PTP4A3: variants seen among roughly 807,000 people sequenced by gnomAD.
PTP4A3 encodes protein tyrosine phosphatase 4A3.
A neutral mutation model predicts 15.2 loss-of-function variants in PTP4A3; 9 were observed. The observed-to-expected ratio is 0.59, with a 90% confidence interval of 0.36 to 1.03. The LOEUF (loss-of-function observed/expected upper bound fraction) is 1.03, where lower values mean the gene tolerates loss of function less well. PTP4A3 is among the 50% of genes least tolerant of loss of function. The pLI is 0.02. For missense variants in PTP4A3, 234 were observed against 252.1 expected (o/e 0.93, Z 0.49); for synonymous variants, 95 against 102.0 (o/e 0.93, Z 0.41).
At chr8:141,415,835 G>A (rs1389659156) in intron 1 of PTP4A3, among the ~76,000 whole-genome samples, 3 of 149,216 alleles carry the variant, frequency 2.0e-5, no homozygotes, top group African/African-American at 7.4e-5. Flanking sequence ...TGGGCCCTTG[G>A]AGCTGCCGAG....
chr8:141,429,181 G>A (rs1301512545), intron 5 of PTP4A3, among the ~76,000 whole-genome samples: 1 of 152,250 alleles, frequency 6.6e-6, no homozygotes, highest in Non-Finnish European at 1.5e-5. Flanking sequence ...TGAGGGCTGC[G>A]CCTTCCCCAG....
intron 1 of PTP4A3, among the ~76,000 whole-genome samples, chr8:141,400,981 T>C (rs950776534): frequency 1.3e-5 from 2 of 152,026 alleles, no homozygotes; most frequent in African/African-American, 4.8e-5. Flanking sequence ...GAGGGAGTCA[T>C]GCACGAGGCA....
At position 141,428,044 on chromosome 8, in the gene PTP4A3, G is replaced by C. The variant is rs1248612590; in HGVS notation, c.404+220G>C. Among the ~76,000 whole-genome samples, 3 of 151,988 alleles carry C rather than the reference G, an allele frequency of 2.0e-5. No individual in the cohort carries two copies. In the South Asian group the frequency reaches 6.2e-4, roughly 32 times the overall value. ...CCATGCAGCCACACAGGGACACAGC[G>C]AGGCCACCCGCCACGCCGTCCTGCC... On this transcript the variant is annotated intron_variant, in intron 5 of 5. Coordinates refer to ENST00000521578, the MANE Select transcript of PTP4A3 (RefSeq NM_032611.3).
chr8:141,414,762 C>G (rs999445999), intron 1 of PTP4A3, among the ~76,000 whole-genome samples: 3 of 151,926 alleles, frequency 2.0e-5, no homozygotes, highest in African/African-American at 7.3e-5. Flanking sequence ...AGTGACCGCT[C>G]TCTGCCCCAG....
rs534686105 is a variant in PTP4A3, at chr8:141,414,400, G to A, written c.-853-6988G>A. Among the ~76,000 whole-genome samples, 5 of 152,314 alleles carry A rather than the reference G, an allele frequency of 3.3e-5. No homozygotes were observed. The South Asian group carries it at 1.0e-3, about 32-fold the overall frequency. On this transcript the variant is annotated intron_variant, in intron 1 of 5. Transcript: ENST00000521578. ...TAGACCTGGCTTCTGGGACTGTAGT[G>A]GTGGAAGGTGGCTGGGGCAGGGGAG...
At chr8:141,404,602 G>T (rs1295449614) in intron 1 of PTP4A3, among the ~76,000 whole-genome samples, 1 of 152,254 alleles carries the variant, frequency 6.6e-6, no homozygotes, top group Non-Finnish European at 1.5e-5. Flanking sequence ...GCTGGTGAAT[G>T]GGCCTCCAGG....
chr8:141,416,527 G>A (rs969870215), intron 1 of PTP4A3, among the ~76,000 whole-genome samples: 4 of 152,162 alleles, frequency 2.6e-5, no homozygotes, highest in Admixed American at 6.5e-5. Flanking sequence ...TCAGGGAGAC[G>A]CTGCTGGAAG....
At chr8:141,415,019 C>T (rs1391082883) in intron 1 of PTP4A3, among the ~76,000 whole-genome samples, 3 of 107,224 alleles carry the variant, frequency 2.8e-5, no homozygotes, top group Non-Finnish European at 5.8e-5. Flanking sequence ...GTGTGGGTGG[C>T]GGGGGGCCTG....
chr8:141,404,278 AC>A (rs1832671571), intron 1 of PTP4A3, among the ~76,000 whole-genome samples: 1 of 152,254 alleles, frequency 6.6e-6, no homozygotes, highest in Non-Finnish European at 1.5e-5. Context: ...GCTGTACTTG[AC>A]GGATGGTGCA....
At chr8:141,410,351 C>A (rs527701091) in intron 1 of PTP4A3, among the ~76,000 whole-genome samples, 3 of 152,254 alleles carry the variant, frequency 2.0e-5, no homozygotes, top group Non-Finnish European at 4.4e-5. Flanking sequence ...TCCAGAAATG[C>A]CCTGCTGGCC....
chr8:141,402,075 G>C (rs900042353), intron 1 of PTP4A3, among the ~76,000 whole-genome samples: 7 of 152,218 alleles, frequency 4.6e-5, no homozygotes, highest in African/African-American at 1.7e-4. Flanking sequence ...GCAGCAGCTG[G>C]GGTGTCCAGG....
chr8:141,417,467 CAGCA>C (rs1833100184), intron 1 of PTP4A3, among the ~76,000 whole-genome samples: 1 of 152,084 alleles, frequency 6.6e-6, no homozygotes, highest in South Asian at 2.1e-4. Flanking sequence ...GGGTGCAGGA[CAGCA>C]CCTGCACGGC....
Position 141,428,850 on chromosome 8 carries a change from G to A in PTP4A3, c.404+1026G>A, listed in dbSNP as rs144653163. On this transcript the variant is annotated intron_variant, in intron 5 of 5. Coordinates refer to ENST00000521578, the MANE Select transcript of PTP4A3 (RefSeq NM_032611.3). ...TGAACACAGGCACATACAGACAAGCGGGTATTTGCACACATGGACACACAT... is the reference window on the plus strand; with the variant it reads ...TGAACACAGGCACATACAGACAAGCAGGTATTTGCACACATGGACACACAT... Among the ~76,000 whole-genome samples, 12 of 152,326 alleles carry A rather than the reference G, an allele frequency of 7.9e-5. No homozygotes were observed. The East Asian group carries it at 1.5e-3, about 20-fold the overall frequency.
intron 5 of PTP4A3, among the ~76,000 whole-genome samples, chr8:141,430,053 A>G (rs199872763): frequency 2.8e-4 from 28 of 98,862 alleles, no homozygotes; most frequent in East Asian, 3.2e-4. Context: ...GGTGGCGGGG[A>G]CAGGGTGAGC....
At chr8:141,392,177 C>G (rs964461292) in intron 1 of PTP4A3, 93 bp downstream of exon 1, 20 of 149,008 alleles carry the variant, frequency 1.3e-4, no homozygotes, top group African/African-American at 4.9e-4. Context: ...GCCGCCCGCT[C>G]CGGGCACGGC....
In PTP4A3 at chr8:141,425,050, C is replaced by T. The variant is rs1331132073; in HGVS notation, c.108C>T (p.Asp36=). The T allele has an allele frequency of 1.9e-6, 3 of 1,612,700 alleles. No homozygotes were observed. The highest frequency in any genetic ancestry group is 4.5e-5 in the East Asian group (2 of 44,868). ...CTCCTCCGTCCTCCCACCCCCAGGACCTGAAGAAGTACGGGGCTACCACTG... is the reference window on the plus strand; with the variant it reads ...CTCCTCCGTCCTCCCACCCCCAGGATCTGAAGAAGTACGGGGCTACCACTG... ...TNATLSTFIE[D]LKKYGATTVV... The change falls in exon 3 of 6, where the codon GAC becomes GAT. Residue 36 remains aspartate, a splice_region_variant and synonymous_variant. Transcript: ENST00000521578. This position sits in a 1 kb window ranked among gnomAD's most constrained non-coding sequence, Gnocchi z 4.2.
In PTP4A3 at chr8:141,406,108, A is replaced by G. The variant is rs1832714583; in HGVS notation, c.-854+14024A>G. On this transcript the variant is annotated intron_variant, in intron 1 of 5. Transcript: ENST00000521578. This position sits in a 1 kb window ranked among gnomAD's most constrained non-coding sequence, Gnocchi z 4.5. ...CTATGATCTGACTTAGGTCGAGGAC[A>G]CTGGTGGGGGCAGTGGTGGGGATAC... Among the ~76,000 whole-genome samples the G allele has an allele frequency of 6.6e-6, 1 of 152,026 alleles. No individual in the cohort carries two copies. The highest frequency in any genetic ancestry group is 2.4e-5 in the African/African-American group (1 of 41,392).
chr8:141,392,191 G>C (rs559200760), intron 1 of PTP4A3, 107 bp downstream of exon 1: 3 of 149,482 alleles, frequency 2.0e-5, no homozygotes, highest in Non-Finnish European at 3.0e-5. Context: ...GCACGGCTTC[G>C]GGGCCGCGCA....
chr8:141,426,947 G>A lies in PTP4A3; in HGVS notation c.207G>A (p.Pro69=), dbSNP rs758014095. 19 of 1,611,048 alleles carry A rather than the reference G, an allele frequency of 1.2e-5. No individual in the cohort carries two copies. Among genetic ancestry groups the A allele is most frequent in the East Asian group, 8.9e-5 (4 of 44,874 alleles). Residue 69 remains proline (P), a synonymous_variant, in exon 4 of 6, where the codon CCG becomes CCA. Coordinates refer to ENST00000521578, the MANE Select transcript of PTP4A3 (RefSeq NM_032611.3). The part of the protein sequence containing the change: ...EKDGITVVDW[P]FDDGAPPPGK... ...TCTGCTTCCCTCCGTAGGACTGGCC[G>A]TTTGACGATGGGGCGCCCCCGCCCG...
Sources: gnomAD v4.1 joint callset for allele counts (sites outside exome capture counted in the v4.1 genomes callset) on GRCh38, gnomAD v4.1.1 for gene constraint, Gnocchi (gnomAD v3.1) non-coding constraint, MANE v1.5 for transcripts, NCBI Gene and HGNC (gene_info 2026-07-23, HGNC 2026-07-21) for gene names.